The following ZNF33B variants were observed in gnomAD, a reference collection of about 807,000 sequenced individuals.
ZNF33B encodes zinc finger protein 11b (KOX 2).
ZNF33B carries 29 observed loss-of-function variants against 45.8 expected under a neutral mutation model. The ratio of observed to expected loss-of-function variants is 0.63; its 90% CI spans 0.47 to 0.86. ZNF33B has a LOEUF of 0.86. Ranked by LOEUF, ZNF33B falls within the 40% of genes least tolerant of loss-of-function variation. ZNF33B has a pLI of 0.00. For missense variants in ZNF33B, 831 were observed against 909.9 expected (o/e 0.91, Z 1.12); for synonymous variants, 305 against 307.8 (o/e 0.99, Z 0.10).
intron 2 of ZNF33B, among the ~76,000 whole-genome samples, chr10:42,636,382 T>G (rs1200337036): frequency 6.6e-6 from 1 of 152,240 alleles, no homozygotes; most frequent in Admixed American, 6.5e-5. Context: ...CCATATCCAG[T>G]GTCTTCCTTT....
intron 4 of ZNF33B, among the ~76,000 whole-genome samples, chr10:42,608,504 T>C (rs73266624): frequency 0.012 from 1,866 of 152,038 alleles, 50 homozygotes; most frequent in African/African-American, 0.042. Flanking sequence ...ATTTTGAGAA[T>C]GCACAAACAT....
intron 4 of ZNF33B, among the ~76,000 whole-genome samples, chr10:42,617,620 T>A (rs1389740468): frequency 6.6e-6 from 1 of 152,202 alleles, no homozygotes. Context: ...GCCACAGGTA[T>A]AGATTTTTGT....
At chr10:42,599,885 C>G (rs1201586957) in intron 4 of ZNF33B, among the ~76,000 whole-genome samples, 1 of 152,082 alleles carries the variant, frequency 6.6e-6, no homozygotes, top group Non-Finnish European at 1.5e-5. Context: ...ATTCCATTTT[C>G]ATTAACCCAA....
downstream of ZNF33B, among the ~76,000 whole-genome samples, chr10:42,587,486 A>G (rs1589014486): frequency 6.6e-6 from 1 of 152,086 alleles, no homozygotes; most frequent in African/African-American, 2.4e-5. Flanking sequence ...TTGGCCTCCC[A>G]AAGTGCTGGG....
intron 4 of ZNF33B, among the ~76,000 whole-genome samples, chr10:42,623,957 AC>A (rs1320948972): frequency 2.0e-5 from 3 of 146,674 alleles, no homozygotes; most frequent in Non-Finnish European, 4.4e-5. Context: ...AGCTGCCATA[AC>A]AAAATACCAG....
intron 4 of ZNF33B, among the ~76,000 whole-genome samples, chr10:42,608,945 T>C (rs1432001099): frequency 6.6e-6 from 1 of 150,988 alleles, no homozygotes; most frequent in Non-Finnish European, 1.5e-5. Flanking sequence ...ACTAGTACTC[T>C]TACAGAAATA....
At chr10:42,595,630 T>C (rs755890589) in intron 4 of ZNF33B, among the ~76,000 whole-genome samples, 3 of 152,136 alleles carry the variant, frequency 2.0e-5, no homozygotes, top group African/African-American at 4.8e-5. Flanking sequence ...GTAAGACTAA[T>C]ACAATGGCAT....
At chr10:42,611,644 GACA>G (rs1838099927) in intron 4 of ZNF33B, among the ~76,000 whole-genome samples, 1 of 152,092 alleles carries the variant, frequency 6.6e-6, no homozygotes, top group Non-Finnish European at 1.5e-5. Flanking sequence ...ACAAAGTAAA[GACA>G]ACAAAATGCC....
intron 4 of ZNF33B, among the ~76,000 whole-genome samples, chr10:42,617,882 T>C (rs1017304166): frequency 1.3e-5 from 2 of 152,172 alleles, no homozygotes; most frequent in Non-Finnish European, 2.9e-5. Flanking sequence ...TTACCCTACA[T>C]TTGGGCAAGC....
Position 42,632,348 on chromosome 10 carries a change from C to T in ZNF33B, c.101G>A (p.Arg34Lys), listed in dbSNP as rs1419248054. 1 of 1,613,604 alleles carries T rather than the reference C, an allele frequency of 6.2e-7. No homozygotes were observed. Among genetic ancestry groups the T allele is most frequent in the Non-Finnish European group, 8.5e-7 (1 of 1,179,938 alleles). Residue 34 changes from arginine (R) to lysine (K), a missense_variant, in exon 3 of 5, where the codon AGG becomes AAG. Transcript: ENST00000359467. Reference protein sequence around the residue: ...EEWQHLDPSQRALYRDVMLEN... With the variant: ...EEWQHLDPSQKALYRDVMLEN... Reference sequence around the variant, plus strand: ...CAGCATCACATCTCTATACAGAGCCCTCTGACTAGGGTCCAGGTGCTGCCA... The same window carrying T: ...CAGCATCACATCTCTATACAGAGCCTTCTGACTAGGGTCCAGGTGCTGCCA...
downstream of ZNF33B, among the ~76,000 whole-genome samples, chr10:42,584,176 G>A (rs1422041262): frequency 6.6e-6 from 1 of 152,228 alleles, no homozygotes; most frequent in Non-Finnish European, 1.5e-5. Flanking sequence ...CAGGACCCAT[G>A]TGTCAACAGG....
rs550471881 is a variant in ZNF33B, at chr10:42,593,867, T to C, written c.1083A>G (p.Gln361=). ...ACTTCTCCCAGAAAGTTTTTCCACA[T>C]TGATTACATTGAAAGTGTTTCTCTC... ...HTGEKHFQCN[Q]CGKTFWEKSN... The change falls in exon 5 of 5, where the codon CAA becomes CAG. Residue 361 remains glutamine (Q), a synonymous_variant. Coordinates refer to ENST00000359467, the MANE Select transcript of ZNF33B (RefSeq NM_006955.3). 25 of 1,614,104 alleles carry C rather than the reference T, an allele frequency of 1.5e-5. No individual in the cohort carries two copies. Among genetic ancestry groups the C allele is most frequent in the South Asian group, 1.1e-4 (10 of 91,084 alleles).
At chr10:42,633,537 A>G (rs1454598662) in intron 2 of ZNF33B, among the ~76,000 whole-genome samples, 2 of 152,262 alleles carry the variant, frequency 1.3e-5, no homozygotes, top group Admixed American at 6.5e-5. Context: ...TCACTAATTC[A>G]TTAAGAAAAA....
intron 2 of ZNF33B, among the ~76,000 whole-genome samples, chr10:42,633,765 C>G (rs1243728364): frequency 1.3e-5 from 2 of 152,088 alleles, no homozygotes; most frequent in Non-Finnish European, 2.9e-5. Context: ...GACAGGAGTT[C>G]GAGACCAGCC....
intron 4 of ZNF33B, among the ~76,000 whole-genome samples, chr10:42,596,316 A>G (rs998971617): frequency 9.9e-5 from 15 of 152,058 alleles, no homozygotes; most frequent in Non-Finnish European, 1.8e-4. Flanking sequence ...AAATTGAAGA[A>G]AAAGTACTCT....
chr10:42,576,010 C>T (rs1053100315), intron 1 of ZNF33B, among the ~76,000 whole-genome samples: 2 of 152,092 alleles, frequency 1.3e-5, no homozygotes, highest in African/African-American at 4.8e-5. Context: ...CCTGCCTCAG[C>T]CTTCTGAGTA....
At chr10:42,630,300 C>T (rs1403413616) in intron 4 of ZNF33B, among the ~76,000 whole-genome samples, 1 of 152,132 alleles carries the variant, frequency 6.6e-6, no homozygotes, top group African/African-American at 2.4e-5. Context: ...AAATATACTA[C>T]TTCCTGCCTG....
chr10:42,574,441 G>A (rs1033649086), exon 2 of ZNF33B: 5 of 152,146 alleles, frequency 3.3e-5, no homozygotes, highest in African/African-American at 9.7e-5. Context: ...CACTCTCCTC[G>A]GATGTGTTGG....
intron 4 of ZNF33B, among the ~76,000 whole-genome samples, chr10:42,627,991 T>C (rs562651972): frequency 4.6e-5 from 7 of 152,070 alleles, no homozygotes; most frequent in African/African-American, 1.2e-4. Context: ...GAGAAAAAAA[T>C]TGTATTTTGC....
Sources: allele counts gnomAD v4.1 joint callset (sites outside exome capture counted in the v4.1 genomes callset), GRCh38; gene constraint gnomAD v4.1.1; transcripts MANE v1.5; gene names NCBI Gene and HGNC (gene_info 2026-07-23, HGNC 2026-07-21).